IGSF21: variants seen among roughly 807,000 people sequenced by gnomAD.
IGSF21 encodes the protein immunoglobin superfamily member 21, also known as immunoglobulin superfamily member 21.
A neutral mutation model predicts 46.8 loss-of-function variants in IGSF21; 28 were observed. The observed-to-expected ratio is 0.60, with a 90% confidence interval of 0.44 to 0.82. The LOEUF (loss-of-function observed/expected upper bound fraction) is 0.82. Among genes scored for constraint, IGSF21 ranks in the 40% least tolerant of loss-of-function variants. The pLI, the probability that IGSF21 is intolerant of heterozygous loss-of-function variation, is 0.00. For synonymous variants in IGSF21, 284 were observed against 273.6 expected (o/e 1.04, Z -0.38); for missense variants, 624 against 665.5 (o/e 0.94, Z 0.69).
intron 1 of IGSF21, among the ~76,000 whole-genome samples, chr1:18,192,991 GC>G (rs2086972392): frequency 6.6e-6 from 1 of 151,960 alleles, no homozygotes; most frequent in Non-Finnish European, 1.5e-5. Context: ...GTCCTCACAG[GC>G]CTTCACTCCA....
At chr1:18,308,428 A>C (rs1321808718) in intron 3 of IGSF21, among the ~76,000 whole-genome samples, 2 of 152,196 alleles carry the variant, frequency 1.3e-5, no homozygotes, top group Non-Finnish European at 2.9e-5. Context: ...TGGGTCATAG[A>C]AAAAGCCAGA....
At chr1:18,171,167 A>T (rs992219815) in intron 1 of IGSF21, among the ~76,000 whole-genome samples, 2 of 152,054 alleles carry the variant, frequency 1.3e-5, no homozygotes, top group African/African-American at 4.8e-5. Context: ...AGCCCTCAAG[A>T]TGCCTTCATT....
At chr1:18,230,762 G>C (rs2084617243) in intron 2 of IGSF21, among the ~76,000 whole-genome samples, 2 of 151,994 alleles carry the variant, frequency 1.3e-5, no homozygotes, top group South Asian at 2.1e-4. Flanking sequence ...TACCAAGATG[G>C]GGGCTCCAGG....
At chr1:18,268,834 A>C (rs1569678345) in intron 2 of IGSF21, among the ~76,000 whole-genome samples, 1 of 152,144 alleles carries the variant, frequency 6.6e-6, no homozygotes, top group East Asian at 1.9e-4. Context: ...AGGCAGTCTT[A>C]TGTCCCACAT....
Position 18,285,870 on chromosome 1 carries a change from G to A in IGSF21, c.184-5996G>A, listed in dbSNP as rs368580062. Among the ~76,000 whole-genome samples the A allele has an allele frequency of 4.3e-4, 65 of 152,270 alleles. 1 individual carries two copies. The South Asian group carries it at 0.011, about 25-fold the overall frequency. On this transcript the variant is annotated intron_variant, in intron 2 of 9. Coordinates refer to ENST00000251296, the MANE Select transcript of IGSF21 (RefSeq NM_032880.5). ...AAGCAATATCTGGCACAGGGTAGGC[G>A]CCAATGTATGCCAGCTATTGTTATT...
chr1:18,225,083 TCTCACACACA>T (rs765347333), intron 1 of IGSF21, among the ~76,000 whole-genome samples: 12,258 of 54,722 alleles, frequency 0.22, 956 homozygotes, highest in Middle Eastern at 0.34. Context: ...TCTCTCTCTC[TCTCACACACA>T]CACACACACA....
At chr1:18,168,966 C>A (rs2086707819) in intron 1 of IGSF21, among the ~76,000 whole-genome samples, 1 of 152,224 alleles carries the variant, frequency 6.6e-6, no homozygotes, top group Admixed American at 6.5e-5. Context: ...TGTGTGGAGG[C>A]TTTGAAATCA....
chr1:18,227,368 C>T (rs930754629), intron 1 of IGSF21, among the ~76,000 whole-genome samples: 10 of 151,974 alleles, frequency 6.6e-5, no homozygotes, highest in East Asian at 5.9e-4. Flanking sequence ...ATCCTGGCTG[C>T]GTAGGATGGT....
At chr1:18,314,319 C>T (rs937538828) in intron 3 of IGSF21, among the ~76,000 whole-genome samples, 2 of 150,246 alleles carry the variant, frequency 1.3e-5, no homozygotes, top group East Asian at 4.1e-4. Flanking sequence ...AATATCTAGT[C>T]TGTCTCAGGA....
At chr1:18,263,914 A>T (rs1426012592) in intron 2 of IGSF21, among the ~76,000 whole-genome samples, 2 of 152,228 alleles carry the variant, frequency 1.3e-5, no homozygotes, top group Admixed American at 6.5e-5. Flanking sequence ...GGTGCATTTA[A>T]TATCTAAGTG....
At chr1:18,173,313 A>T (rs1249209083) in intron 1 of IGSF21, among the ~76,000 whole-genome samples, 1 of 152,200 alleles carries the variant, frequency 6.6e-6, no homozygotes, top group Non-Finnish European at 1.5e-5. Context: ...AACGACAAAA[A>T]ATCAGCTTTA....
rs549378050 is a variant in IGSF21 at position 18,256,963 on chromosome 1, T to A, written c.183+28953T>A. Among the ~76,000 whole-genome samples the A allele has an allele frequency of 3.3e-5, 5 of 152,232 alleles. No individual in the cohort carries two copies. The South Asian group carries it at 1.0e-3, about 32-fold the overall frequency. ...TCATTCCAGGAACTGGCTGACTCTC[T>A]CCATAGCTCACCCATCTCAGTTGCC... On this transcript the variant is annotated intron_variant, in intron 2 of 9. Coordinates refer to ENST00000251296, the MANE Select transcript of IGSF21 (RefSeq NM_032880.5).
At chr1:18,326,046 C>A (rs932398580) in intron 3 of IGSF21, among the ~76,000 whole-genome samples, 13 of 152,206 alleles carry the variant, frequency 8.5e-5, no homozygotes, top group African/African-American at 2.4e-4. Flanking sequence ...CCATGCCCCC[C>A]CCTTTTTTTT....
Position 18,341,130 on chromosome 1 carries a change from CT to C in IGSF21, c.424+6132del, listed in dbSNP as rs58687417. On this transcript the variant is annotated intron_variant, in intron 4 of 9. Transcript: ENST00000251296. ...TCCCCCTCCTTCTCCTTCTTCTTCT[CT>C]TTTTTTTTTTTGTGTGTGTGAGACA... Among the ~76,000 whole-genome samples, 176 of 135,940 alleles carry C rather than the reference CT, an allele frequency of 1.3e-3. 1 individual carries two copies. Among genetic ancestry groups the C allele is most frequent in the Admixed American group, 1.5e-3 (20 of 13,198 alleles). 89.2% of individuals were successfully genotyped at this position (135,940 alleles called of 152,430 possible).
chr1:18,250,582 T>C (rs1195537788), intron 2 of IGSF21, among the ~76,000 whole-genome samples: 2 of 152,218 alleles, frequency 1.3e-5, no homozygotes, highest in Non-Finnish European at 2.9e-5. Context: ...AAACATTATA[T>C]GGCGAAAATT....
intron 1 of IGSF21, among the ~76,000 whole-genome samples, chr1:18,147,695 T>C (rs1329376052): frequency 6.6e-6 from 1 of 152,214 alleles, no homozygotes; most frequent in Non-Finnish European, 1.5e-5. Context: ...ACCTCCTACA[T>C]ACCAGGATGG....
intron 5 of IGSF21, among the ~76,000 whole-genome samples, chr1:18,364,721 C>T (rs960009727): frequency 1.3e-5 from 2 of 152,116 alleles, no homozygotes; most frequent in African/African-American, 2.4e-5. Flanking sequence ...ATCTCCAAAA[C>T]GCACACGCAC....
chr1:18,324,190 C>T (rs2085634302), intron 3 of IGSF21, among the ~76,000 whole-genome samples: 1 of 152,184 alleles, frequency 6.6e-6, no homozygotes, highest in African/African-American at 2.4e-5. Context: ...GCAGTGGGCT[C>T]CCAGCCCCAT....
At chr1:18,154,626 G>C (rs763806799) in intron 1 of IGSF21, among the ~76,000 whole-genome samples, 1 of 145,996 alleles carries the variant, frequency 6.8e-6, no homozygotes, top group Admixed American at 6.8e-5. Context: ...TGCCCTGGGA[G>C]AGCAGTGGCT....
Sources: gnomAD v4.1 joint callset for allele counts (sites outside exome capture counted in the v4.1 genomes callset) on GRCh38, gnomAD v4.1.1 for gene constraint, MANE v1.5 for transcripts, NCBI Gene and HGNC (gene_info 2026-07-23, HGNC 2026-07-21) for gene names.